The following DCC variants were observed in gnomAD, a reference collection of about 807,000 sequenced individuals.
The protein encoded by DCC is DCC netrin 1 receptor, also known as netrin receptor DCC.
A neutral mutation model predicts 172.5 loss-of-function variants in DCC; 58 were observed. The ratio of observed to expected loss-of-function variants is 0.34; its 90% confidence interval spans 0.27 to 0.42. The LOEUF (loss-of-function observed/expected upper bound fraction) is 0.42, where lower values mean the gene tolerates loss of function less well. DCC is among the 10% of genes least tolerant of loss of function. DCC has a pLI of 1.00. For synonymous variants in DCC, 709 were observed against 644.5 expected (o/e 1.10, Z -1.52); for missense variants, 1,740 against 1,791.0 (o/e 0.97, Z 0.51).
intron 1 of DCC, among the ~76,000 whole-genome samples, chr18:52,666,432 T>C (rs1393358047): frequency 6.6e-6 from 1 of 152,242 alleles, no homozygotes; most frequent in Non-Finnish European, 1.5e-5. Flanking sequence ...TAAGTTTTGG[T>C]AAACAAATAG....
chr18:53,324,342 A>G (rs2057443698), intron 14 of DCC, among the ~76,000 whole-genome samples: 1 of 152,194 alleles, frequency 6.6e-6, no homozygotes, highest in Non-Finnish European at 1.5e-5. Context: ...TTTCTTATTA[A>G]AGGTCTATAT....
At chr18:52,601,081 A>G (rs2034008045) in intron 1 of DCC, among the ~76,000 whole-genome samples, 2 of 152,268 alleles carry the variant, frequency 1.3e-5, no homozygotes, top group South Asian at 2.1e-4. Flanking sequence ...AAAAAAGCCC[A>G]GAAATCTCAT....
At chr18:53,189,472 A>G (rs1349771017) in intron 9 of DCC, among the ~76,000 whole-genome samples, 2 of 151,754 alleles carry the variant, frequency 1.3e-5, no homozygotes, top group Non-Finnish European at 2.9e-5. Flanking sequence ...GTATATGTAC[A>G]TATAGCATAT....
At chr18:52,934,253 A>G (rs941894273) in intron 5 of DCC, among the ~76,000 whole-genome samples, 2 of 152,096 alleles carry the variant, frequency 1.3e-5, no homozygotes, top group Admixed American at 6.6e-5. Flanking sequence ...CTAGTGATCA[A>G]TATAACAATA....
chr18:52,687,623 A>T (rs1160732753), intron 1 of DCC, among the ~76,000 whole-genome samples: 1 of 152,166 alleles, frequency 6.6e-6, no homozygotes, highest in Non-Finnish European at 1.5e-5. Context: ...ACGTATATAC[A>T]TACAATTTAA....
At chr18:52,907,161 C>CATATATATCATATATACATGATATGTATT (rs1568179798) in intron 3 of DCC, among the ~76,000 whole-genome samples, 10 of 148,762 alleles carry the variant, frequency 6.7e-5, no homozygotes, top group Admixed American at 3.4e-4. Context: ...ATACATATAT[C>CATATATATCATATATACATGATATGTATT]ATATATATCA....
At position 53,371,672 on chromosome 18, in the gene DCC, T is replaced by C. The variant is rs557923015; in HGVS notation, c.2360-14371T>C. ...GAGAAGTGTCAGCCAGTACAGATCATAATAATAAAACAAATACCTTCTATT... is the reference window on the plus strand; with the variant it reads ...GAGAAGTGTCAGCCAGTACAGATCACAATAATAAAACAAATACCTTCTATT... On this transcript the variant is annotated intron_variant, in intron 15 of 28. Transcript: ENST00000442544. Among the ~76,000 whole-genome samples, 77 of 152,156 alleles carry C rather than the reference T, an allele frequency of 5.1e-4. No individual in the cohort carries two copies. The South Asian group carries it at 0.015, about 30-fold the overall frequency.
chr18:53,303,143 C>T (rs1406909302), intron 12 of DCC, among the ~76,000 whole-genome samples: 1 of 152,092 alleles, frequency 6.6e-6, no homozygotes, highest in Non-Finnish European at 1.5e-5. Context: ...AATTTGTTAC[C>T]TTTTCTCTCC....
At chr18:53,044,525 T>C (rs1328371175) in intron 5 of DCC, among the ~76,000 whole-genome samples, 2 of 151,918 alleles carry the variant, frequency 1.3e-5, no homozygotes, top group South Asian at 4.1e-4. Context: ...ACTAGATATC[T>C]AAGACTCTTT....
Position 52,813,466 on chromosome 18 carries a change from C to T in DCC, c.412+61092C>T, listed in dbSNP as rs543274014. Among the ~76,000 whole-genome samples, 4 of 152,232 alleles carry T rather than the reference C, an allele frequency of 2.6e-5. No individual in the cohort carries two copies. The East Asian group carries it at 7.7e-4, about 29-fold the overall frequency. ...CATCTGGATTATCAACTGTCACAAACCAGGGATCATGGTGGATTCCACAGT... is the reference window on the plus strand; with the variant it reads ...CATCTGGATTATCAACTGTCACAAATCAGGGATCATGGTGGATTCCACAGT... On this transcript the variant is annotated intron_variant, in intron 2 of 28. Transcript: ENST00000442544.
intron 1 of DCC, among the ~76,000 whole-genome samples, chr18:52,652,735 T>TGTGTGTGTGTGTGTGTGG (rs2035163710): frequency 6.6e-6 from 1 of 151,802 alleles, no homozygotes; most frequent in East Asian, 1.9e-4. Flanking sequence ...TGTGTGTGTG[T>TGTGTGTGTGTGTGTGTGG]GTGTGGGTGG....
chr18:53,452,986 G>A (rs1486677088), intron 23 of DCC, among the ~76,000 whole-genome samples: 1 of 152,076 alleles, frequency 6.6e-6, no homozygotes, highest in Non-Finnish European at 1.5e-5. Context: ...TGCAATCTCA[G>A]CTCACTGCAA....
intron 1 of DCC, among the ~76,000 whole-genome samples, chr18:52,749,982 C>T (rs528695871): frequency 6.6e-6 from 1 of 152,282 alleles, no homozygotes; most frequent in Non-Finnish European, 1.5e-5. Flanking sequence ...TTTCTGCTGT[C>T]TCATCCTTAG....
At chr18:53,507,345 A>G (rs886171415) in intron 27 of DCC, among the ~76,000 whole-genome samples, 1 of 152,224 alleles carries the variant, frequency 6.6e-6, no homozygotes. Context: ...TCTCTGTCAT[A>G]TTAAACAGTT....
At chr18:52,359,648 A>C (rs1453883603) in intron 1 of DCC, among the ~76,000 whole-genome samples, 1 of 152,184 alleles carries the variant, frequency 6.6e-6, no homozygotes, top group East Asian at 1.9e-4. Context: ...GAAGGAAATG[A>C]GGAGAAGCTT....
At chr18:53,366,188 C>G (rs2058002960) in intron 15 of DCC, among the ~76,000 whole-genome samples, 1 of 151,960 alleles carries the variant, frequency 6.6e-6, no homozygotes, top group African/African-American at 2.4e-5. Context: ...TCCTGAGTAG[C>G]TGGGATTGGA....
At chr18:52,884,996 C>T (rs1224858876) in intron 2 of DCC, among the ~76,000 whole-genome samples, 1 of 152,118 alleles carries the variant, frequency 6.6e-6, no homozygotes, top group African/African-American at 2.4e-5. Flanking sequence ...ATTTTCCTTA[C>T]TTTGTCTCAA....
chr18:52,362,792 C>G lies in DCC; in HGVS notation c.91+21914C>G, dbSNP rs543394051. Among the ~76,000 whole-genome samples, 7 of 152,196 alleles carry G rather than the reference C, an allele frequency of 4.6e-5. No homozygotes were observed. In the South Asian group the frequency reaches 1.5e-3, roughly 32 times the overall value. On this transcript the variant is annotated intron_variant, in intron 1 of 28. Coordinates refer to ENST00000442544, the MANE Select transcript of DCC (RefSeq NM_005215.4). The stretch of plus-strand genomic sequence containing the variant: ...CTTTGTTCTTTTAGCCCCCCCCACT[C>G]CCCTCCTCCCTCCATAAACCAAAAG...
chr18:52,910,313 A>AT lies in DCC; in HGVS notation c.697+3991dup, dbSNP rs1321887541. On this transcript the variant is annotated intron_variant, in intron 3 of 28. Transcript: ENST00000442544. ...TTACTGTGTTTAAAACAAATTATAG[A>AT]TTTTTTAGAAGATATTTTCCCATAA... is the stretch of plus-strand genomic sequence containing the variant. Among the ~76,000 whole-genome samples the AT allele has an allele frequency of 3.9e-5, 6 of 152,204 alleles. No individual in the cohort carries two copies. In the South Asian group the frequency reaches 8.3e-4, roughly 21 times the overall value.
Sources: gnomAD v4.1 joint callset for allele counts (sites outside exome capture counted in the v4.1 genomes callset) on GRCh38, gnomAD v4.1.1 for gene constraint, MANE v1.5 for transcripts, NCBI Gene and HGNC (gene_info 2026-07-23, HGNC 2026-07-21) for gene names.